The following PRKD2 variants were observed in gnomAD, a reference collection of about 807,000 sequenced individuals.
The protein encoded by PRKD2 is protein kinase D2.
PRKD2 carries 22 observed loss-of-function variants against 86.0 expected under a neutral mutation model. The ratio of observed to expected loss-of-function variants is 0.26; its 90% CI spans 0.18 to 0.37. PRKD2 has a LOEUF of 0.37. Ranked by LOEUF, PRKD2 falls within the 10% of genes least tolerant of loss-of-function variation. The pLI is 1.00. For synonymous variants in PRKD2, 509 were observed against 510.9 expected, an observed-to-expected ratio of 1.00 and a Z score of 0.05; for missense variants, 818 against 1,199.2, an observed-to-expected ratio of 0.68 and a Z score of 4.70.
At chr19:46,681,837 T>TA in intron 14 of PRKD2, 89 bp from the exon 15 acceptor site, 11 of 657,314 alleles carry the variant, frequency 1.7e-5, no homozygotes, top group East Asian at 9.1e-5. Context: ...AACCCATCCA[T>TA]ACTTTTTTTT....
At chr19:46,686,262 T>C (rs946268457) in intron 14 of PRKD2, 2 of 151,694 alleles carry the variant, frequency 1.3e-5, no homozygotes, top group African/African-American at 4.8e-5. Context: ...CCCAGAACTT[T>C]GGGAGGCTGC....
At chr19:46,708,906 C>T (rs935133806) in intron 3 of PRKD2, among the ~76,000 whole-genome samples, 1 of 151,494 alleles carries the variant, frequency 6.6e-6, no homozygotes, top group African/African-American at 2.4e-5. Context: ...GTCAGCTTGG[C>T]TAGGCGAGAT....
rs1179630295 is a variant in PRKD2, at chr19:46,716,635, G to A, written c.-265C>T. 3 of 339,678 alleles carry A rather than the reference G, an allele frequency of 8.8e-6. No homozygotes were observed. Among genetic ancestry groups the A allele is most frequent in the Admixed American group, 4.7e-5 (1 of 21,232 alleles). The allele number at this position is 339,678 out of a possible 1,614,324, so 21.0% of individuals were successfully genotyped here. ...AAAGTAGTGGGTTGGAGGTCCCAGC[G>A]ATTGAGATTCCAAGAAGCCTGAGAG... On this transcript the variant is annotated 5_prime_UTR_variant, in exon 1 of 18. Transcript: ENST00000291281. The surrounding 1 kb of genome is among the most constrained non-coding windows in gnomAD (Gnocchi z 7.9).
chr19:46,706,476 C>T (rs1023961832), intron 3 of PRKD2, among the ~76,000 whole-genome samples: 9 of 152,198 alleles, frequency 5.9e-5, no homozygotes, highest in African/African-American at 2.2e-4. Flanking sequence ...ATGGTCTTTG[C>T]ACACAGGAAC....
At chr19:46,696,164 T>C (rs2053554448) in intron 9 of PRKD2, among the ~76,000 whole-genome samples, 2 of 152,036 alleles carry the variant, frequency 1.3e-5, no homozygotes, top group Admixed American at 6.6e-5. Context: ...GATGGTGTGG[T>C]CTGAGCAAAA....
At chr19:46,675,174 C>T in intron 16 of PRKD2, 56 bp from the exon 17 acceptor site, 1 of 1,454,034 alleles carries the variant, frequency 6.9e-7, no homozygotes, top group Non-Finnish European at 9.5e-7. Flanking sequence ...ACTCCTCCTC[C>T]AATAGGCACC....
At chr19:46,712,693 C>G (rs1205167740) in intron 2 of PRKD2, among the ~76,000 whole-genome samples, 1 of 152,246 alleles carries the variant, frequency 6.6e-6, no homozygotes, top group Admixed American at 6.5e-5. Context: ...TAAATCCAGA[C>G]TTCTGTCATT....
intron 1 of PRKD2, chr19:46,714,413 G>C (rs1255564618): frequency 1.4e-5 from 10 of 702,874 alleles, no homozygotes; most frequent in African/African-American, 4.1e-5. Context: ...CAGTTACCTG[G>C]CTCCAGGCCC....
rs1431127676 is a variant in PRKD2, at chr19:46,704,420, A to T, written c.667-29T>A. On this transcript the variant is annotated intron_variant, in intron 4 of 17. Transcript: ENST00000291281. The stretch of plus-strand genomic sequence containing the variant: ...TCGTTGGCAAGAATGGAGGGGACAC[A>T]TCAGTGCGTTGGCCCCATGCCTGGG... 4 of 1,613,736 alleles carry T rather than the reference A, an allele frequency of 2.5e-6. No homozygotes were observed. In the African/African-American group the frequency reaches 4.0e-5, roughly 16 times the overall value.
At chr19:46,697,309 G>A in intron 8 of PRKD2, 75 bp from the exon 9 acceptor site, 12 of 1,132,940 alleles carry the variant, frequency 1.1e-5, no homozygotes, top group East Asian at 2.4e-5. Context: ...AGCTGCTTGG[G>A]GCTCCAGGTG....
chr19:46,704,976 C>T (rs1181074258), intron 3 of PRKD2, among the ~76,000 whole-genome samples: 1 of 151,774 alleles, frequency 6.6e-6, no homozygotes, highest in African/African-American at 2.4e-5. Flanking sequence ...CCAGTTTCAG[C>T]TTGTAGCCCT....
rs115824942 is a variant in PRKD2, at chr19:46,705,125, G to T, written c.512-476C>A. On this transcript the variant is annotated intron_variant, in intron 3 of 17. Coordinates refer to ENST00000291281, the MANE Select transcript of PRKD2 (RefSeq NM_016457.5). ...TTGTAGCCCCGACATCACCCCATCT[G>T]CCCCCCAGGCCCTGAACGCGCCTCA... Among the ~76,000 whole-genome samples, 1,421 of 147,452 alleles carry T rather than the reference G, an allele frequency of 9.6e-3. 20 individuals carry two copies. Among genetic ancestry groups the T allele is most frequent in the African/African-American group, 0.034 (1,345 of 39,688 alleles).
intron 1 of PRKD2, chr19:46,714,490 C>CGGGGGGGGGGGG (rs1254751346): frequency 1.4e-4 from 6 of 43,540 alleles, no homozygotes; most frequent in Non-Finnish European, 1.9e-4. Flanking sequence ...GGGGGGGGGC[C>CGGGGGGGGGGGG]GGGGGACTTG....
In PRKD2 at chr19:46,674,508, C is replaced by T; in HGVS notation, c.*15G>A. The T allele has an allele frequency of 1.9e-6, 3 of 1,602,902 alleles. No homozygotes were observed. The highest frequency in any genetic ancestry group is 2.2e-5 in the East Asian group (1 of 44,620). Reference sequence around the variant, plus strand: ...ACCGCTGTGGAGGGCAGCAGCTGGACGAGGGCACAGGACCTCAGAGAACAC... The same window carrying T: ...ACCGCTGTGGAGGGCAGCAGCTGGATGAGGGCACAGGACCTCAGAGAACAC... On this transcript the variant is annotated 3_prime_UTR_variant, in exon 18 of 18. Transcript: ENST00000291281.
At chr19:46,711,109 T>G in intron 2 of PRKD2, 71 bp from the exon 3 acceptor site, 1 of 1,503,348 alleles carries the variant, frequency 6.7e-7, no homozygotes, top group African/African-American at 1.4e-5. Context: ...CCACGTTCCC[T>G]GATTTCTCAC....
In PRKD2 at chr19:46,678,212, A is replaced by G. The variant is rs1421374743; in HGVS notation, c.2338+184T>C. On this transcript the variant is annotated intron_variant, in intron 16 of 17. Transcript: ENST00000291281. This position sits in a 1 kb window ranked among gnomAD's most constrained non-coding sequence, Gnocchi z 5.7. ...GTAACCTAGTCTAGGCCTGAGTCCCAGCCCATCTTTTACAGGACGGCTCCT... is the reference window on the plus strand; with the variant it reads ...GTAACCTAGTCTAGGCCTGAGTCCCGGCCCATCTTTTACAGGACGGCTCCT... 6.6e-6 allele frequency among the ~76,000 whole-genome samples: 1 copy of G among 152,116 alleles called. No individual in the cohort carries two copies. The highest frequency in any genetic ancestry group is 2.4e-5 in the African/African-American group (1 of 41,404).
At position 46,717,081 on chromosome 19, in the gene PRKD2, TCGGCGG is replaced by T. The variant is rs537848612; in HGVS notation, c.-717_-712del. 1 of 153,288 alleles carries T rather than the reference TCGGCGG, an allele frequency of 6.5e-6. No homozygotes were observed. The allele number at this position is 153,288 out of a possible 1,614,324, so 9.5% of individuals were successfully genotyped here. A position where few individuals can be genotyped will look rare whatever the true frequency, so the allele number is the denominator to read the frequency against. On this transcript the variant is annotated 5_prime_UTR_variant, in exon 1 of 18. Coordinates refer to ENST00000291281, the MANE Select transcript of PRKD2 (RefSeq NM_016457.5). ...TCTTTTTCCCCCTCCAAAGTTTAAG[TCGGCGG>T]CGGCGGCGGCGGCCCAGGAGGAAGT...
At chr19:46,714,868 A>G (rs556628419) in intron 1 of PRKD2, among the ~76,000 whole-genome samples, 2 of 152,182 alleles carry the variant, frequency 1.3e-5, no homozygotes, top group Admixed American at 6.5e-5. Flanking sequence ...GCAAAACCCT[A>G]TCAGTTCTCA....
At chr19:46,701,201 A>G in intron 5 of PRKD2, 89 bp from the exon 6 acceptor site, 1 of 1,374,474 alleles carries the variant, frequency 7.3e-7, no homozygotes, top group East Asian at 2.3e-5. Context: ...CTCAGGCTCA[A>G]AAGAGTCTAC....
Sources: allele counts gnomAD v4.1 joint callset (sites outside exome capture counted in the v4.1 genomes callset), GRCh38; gene constraint gnomAD v4.1.1; non-coding constraint Gnocchi (gnomAD v3.1); transcripts MANE v1.5; gene names NCBI Gene and HGNC (gene_info 2026-07-23, HGNC 2026-07-21).